GPC6: variants seen among roughly 807,000 people sequenced by gnomAD.
GPC6 encodes glypican-6.
A neutral mutation model predicts 55.2 loss-of-function variants in GPC6; 14 were observed. The observed-to-expected ratio is 0.25, with a 90% confidence interval of 0.17 to 0.40. The LOEUF is 0.40. Ranked by LOEUF, GPC6 falls within the 10% of genes least tolerant of loss-of-function variation. GPC6 has a pLI of 1.00. For synonymous variants in GPC6, 278 were observed against 259.6 expected, an observed-to-expected ratio of 1.07 and a Z score of -0.68; for missense variants, 641 against 708.5, an observed-to-expected ratio of 0.90 and a Z score of 1.08.
intron 3 of GPC6, 78 bp from the exon 4 acceptor site, chr13:94,027,651 C>T: frequency 8.2e-7 from 1 of 1,218,068 alleles, no homozygotes; most frequent in Non-Finnish European, 1.2e-6. Context: ...TGTGGTTTAT[C>T]ACTGCTATTT....
At chr13:93,864,394 T>G (rs1317555944) in intron 3 of GPC6, among the ~76,000 whole-genome samples, 4 of 151,656 alleles carry the variant, frequency 2.6e-5, no homozygotes, top group Non-Finnish European at 4.4e-5. Flanking sequence ...TTCTCATGAG[T>G]ATGTGACACA....
chr13:94,003,078 G>T (rs1343603210), intron 3 of GPC6, among the ~76,000 whole-genome samples: 1 of 152,170 alleles, frequency 6.6e-6, no homozygotes, highest in Non-Finnish European at 1.5e-5. Flanking sequence ...AATGAAAATA[G>T]TCTGAAGGCA....
At chr13:93,598,014 C>T (rs1877840148) in intron 2 of GPC6, among the ~76,000 whole-genome samples, 1 of 152,038 alleles carries the variant, frequency 6.6e-6, no homozygotes, top group Non-Finnish European at 1.5e-5. Context: ...TGCGGTGTTG[C>T]ACACCTGTAG....
intron 1 of GPC6, among the ~76,000 whole-genome samples, chr13:93,257,142 C>CA (rs142725369): frequency 0.19 from 27,724 of 149,280 alleles, 2,756 homozygotes; most frequent in South Asian, 0.31. Context: ...TTTTCTCTAC[C>CA]AAAAAAAAAA....
intron 4 of GPC6, chr13:94,187,253 G>C (rs954517602): frequency 6.6e-6 from 1 of 152,192 alleles, no homozygotes; most frequent in African/African-American, 2.4e-5. Flanking sequence ...GTTTTATGCA[G>C]TGAATCACCG....
chr13:94,355,014 G>A (rs758089356), intron 6 of GPC6, among the ~76,000 whole-genome samples: 1 of 140,878 alleles, frequency 7.1e-6, no homozygotes, highest in Non-Finnish European at 1.5e-5. Flanking sequence ...TGATGCCAAG[G>A]CCAGTGGCTC....
intron 1 of GPC6, among the ~76,000 whole-genome samples, chr13:93,388,348 C>T (rs1023252231): frequency 2.0e-5 from 3 of 152,164 alleles, no homozygotes; most frequent in African/African-American, 7.2e-5. Flanking sequence ...TCTCAGTGTG[C>T]CTGGCCCATG....
intron 3 of GPC6, among the ~76,000 whole-genome samples, chr13:93,961,057 G>T (rs554564512): frequency 6.6e-6 from 1 of 151,920 alleles, no homozygotes; most frequent in Non-Finnish European, 1.5e-5. Context: ...CTCGTGATCC[G>T]CCTGCCTTGG....
At chr13:94,341,007 T>C (rs1044309556) in intron 6 of GPC6, among the ~76,000 whole-genome samples, 2 of 152,226 alleles carry the variant, frequency 1.3e-5, no homozygotes, top group South Asian at 4.1e-4. Flanking sequence ...TCTTCTATTG[T>C]TACCTCTTGC....
chr13:94,200,172 AC>A lies in GPC6; in HGVS notation c.878-86175del, dbSNP rs1188341105. Reference sequence around the variant, plus strand: ...ACTCTGTCTAAAAAAAAAAAAAAAAACCACATGTTTCCAGGATCCTTACTTT... The same window carrying A: ...ACTCTGTCTAAAAAAAAAAAAAAAAACACATGTTTCCAGGATCCTTACTTT... On this transcript the variant is annotated intron_variant, in intron 4 of 8. Transcript: ENST00000377047. Among the ~76,000 whole-genome samples the A allele has an allele frequency of 1.2e-4, 17 of 147,326 alleles. 1 individual carries two copies. In the South Asian group the frequency reaches 3.0e-3, roughly 26 times the overall value.
intron 2 of GPC6, among the ~76,000 whole-genome samples, chr13:93,571,045 T>A (rs374483820): frequency 6.7e-4 from 102 of 152,140 alleles, no homozygotes; most frequent in African/African-American, 2.0e-3. Flanking sequence ...ATATATATAT[T>A]TTTTAATTGT....
chr13:93,672,140 A>C (rs2139629066), intron 2 of GPC6, among the ~76,000 whole-genome samples: 1 of 119,326 alleles, frequency 8.4e-6, no homozygotes, highest in East Asian at 2.2e-4. Context: ...GATAGAATTA[A>C]GTTCTGGGTT....
chr13:94,048,344 G>T (rs768263321), intron 4 of GPC6, among the ~76,000 whole-genome samples: 12 of 152,046 alleles, frequency 7.9e-5, no homozygotes, highest in South Asian at 2.1e-4. Context: ...TTAAGAAATG[G>T]CATTGATTTT....
chr13:93,544,603 A>G (rs1216208623), intron 1 of GPC6, among the ~76,000 whole-genome samples: 1 of 152,228 alleles, frequency 6.6e-6, no homozygotes, highest in Non-Finnish European at 1.5e-5. Flanking sequence ...AGTGTTGTCG[A>G]AAGCAGTAGA....
chr13:93,249,279 C>T (rs1044951024), intron 1 of GPC6, among the ~76,000 whole-genome samples: 3 of 152,136 alleles, frequency 2.0e-5, no homozygotes, highest in African/African-American at 7.2e-5. Context: ...CCCTGTGAAA[C>T]CTCTGAAACT....
chr13:93,970,299 T>C (rs762486698), intron 3 of GPC6, among the ~76,000 whole-genome samples: 1 of 152,138 alleles, frequency 6.6e-6, no homozygotes, highest in African/African-American at 2.4e-5. Context: ...GGAATGAGTA[T>C]GCATAGACAA....
chr13:93,869,754 TTTC>T (rs1231201203), intron 3 of GPC6, among the ~76,000 whole-genome samples: 1 of 151,860 alleles, frequency 6.6e-6, no homozygotes, highest in Non-Finnish European at 1.5e-5. Context: ...TGAGGGGTAT[TTTC>T]TACAGACCTA....
At chr13:94,251,547 G>A (rs533273375) in intron 4 of GPC6, among the ~76,000 whole-genome samples, 3 of 152,028 alleles carry the variant, frequency 2.0e-5, no homozygotes, top group South Asian at 4.2e-4. Flanking sequence ...GAACTTGTGG[G>A]TTTGAAAAGT....
intron 1 of GPC6, among the ~76,000 whole-genome samples, chr13:93,326,855 G>T (rs1451577960): frequency 6.6e-6 from 1 of 152,166 alleles, no homozygotes; most frequent in African/African-American, 2.4e-5. Flanking sequence ...AGGAAATACT[G>T]TGTAGTGTCT....
Sources: allele counts gnomAD v4.1 joint callset (sites outside exome capture counted in the v4.1 genomes callset), GRCh38; gene constraint gnomAD v4.1.1; transcripts MANE v1.5; gene names NCBI Gene and HGNC (gene_info 2026-07-23, HGNC 2026-07-21).